Variants in ABHD2 observed in about 807,000 individuals in gnomAD.
ABHD2 encodes the protein monoacylglycerol lipase ABHD2.
In ABHD2, 20 loss-of-function variants were observed where a neutral mutation model predicts 48.1. The ratio of observed to expected loss-of-function variants is 0.42; its 90% CI spans 0.29 to 0.60. ABHD2 has a LOEUF of 0.60. Ranked by LOEUF, ABHD2 falls within the 20% of genes least tolerant of loss-of-function variation. ABHD2 has a pLI of 0.24. For synonymous variants in ABHD2, 209 were observed against 214.2 expected, an observed-to-expected ratio of 0.98 and a Z score of 0.21; for missense variants, 405 against 550.9, an observed-to-expected ratio of 0.74 and a Z score of 2.65.
chr15:89,181,210 C>G (rs2051105653), intron 6 of ABHD2, among the ~76,000 whole-genome samples: 1 of 103,456 alleles, frequency 9.7e-6, no homozygotes, highest in South Asian at 3.4e-4. Flanking sequence ...GCCTGGGGGA[C>G]AGAGCGAGAC....
chr15:89,098,020 A>G (rs1223392083), intron 1 of ABHD2, among the ~76,000 whole-genome samples: 2 of 151,998 alleles, frequency 1.3e-5, no homozygotes, highest in Non-Finnish European at 2.9e-5. Flanking sequence ...CCTTCCCAGT[A>G]GTTAGGACTA....
At chr15:89,063,397 G>A in the ABHD2 span, among the ~76,000 whole-genome samples, 2 of 151,954 alleles carry the variant, frequency 1.3e-5, no homozygotes, top group Non-Finnish European at 2.9e-5. Flanking sequence ...GAAGTATAAG[G>A]AAGTAAATAA....
At position 89,127,720 on chromosome 15, in the gene ABHD2, C is replaced by CAT. The variant is rs1567080056; in HGVS notation, c.194+11200_194+11201insTA. Among the ~76,000 whole-genome samples, 562 of 69,730 alleles carry CAT rather than the reference C, an allele frequency of 8.1e-3. 4 individuals are homozygous for CAT. The highest frequency in any genetic ancestry group is 0.013 in the Non-Finnish European group (395 of 30,582). The allele number at this position is 69,730 out of a possible 152,430, so 45.7% of individuals were successfully genotyped here. A position where few individuals can be genotyped will look rare whatever the true frequency, so the allele number is the denominator to read the frequency against. ...ATATATATATACATATATATATATACACATATATATATATATATATGTATA... is the reference window on the plus strand; with the variant it reads ...ATATATATATACATATATATATATACATACATATATATATATATATATGTATA... On this transcript the variant is annotated intron_variant, in intron 3 of 10. Transcript: ENST00000352732.
the ABHD2 span, among the ~76,000 whole-genome samples, chr15:89,071,444 G>C: frequency 2.6e-5 from 4 of 152,102 alleles, no homozygotes. Flanking sequence ...AAGACATAGG[G>C]TTTTATTTGG....
chr15:89,081,098 C>T, the ABHD2 span, among the ~76,000 whole-genome samples: 1 of 150,208 alleles, frequency 6.7e-6, no homozygotes, highest in Non-Finnish European at 1.5e-5. Context: ...CTCCTGGGCT[C>T]AAATGATCCT....
chr15:89,116,725 C>T lies in ABHD2; in HGVS notation c.194+204C>T, dbSNP rs886990626. On this transcript the variant is annotated intron_variant, in intron 3 of 10. Coordinates refer to ENST00000352732, the MANE Select transcript of ABHD2 (RefSeq NM_152924.5). This position sits in a 1 kb window ranked among gnomAD's most constrained non-coding sequence, Gnocchi z 4.6. ...AGAATCAGATCTCTGTTGCCTGAAACATTCCTTCCTCTACAGTGTGATGTC... is the reference window on the plus strand; with the variant it reads ...AGAATCAGATCTCTGTTGCCTGAAATATTCCTTCCTCTACAGTGTGATGTC... Among the ~76,000 whole-genome samples the T allele has an allele frequency of 2.0e-5, 3 of 152,200 alleles. No homozygotes were observed. Among genetic ancestry groups the T allele is most frequent in the Non-Finnish European group, 4.4e-5 (3 of 68,032 alleles).
intron 2 of ABHD2, among the ~76,000 whole-genome samples, chr15:89,115,370 ATGTGTGTG>A (rs1164718189): frequency 0.03 from 2,988 of 100,180 alleles, 45 homozygotes; most frequent in African/African-American, 0.046. Context: ...GTTTGGAGGT[ATGTGTGTG>A]TGTGTGTGTG....
At chr15:89,084,271 A>G (rs1901321117), upstream of ABHD2, among the ~76,000 whole-genome samples, 1 of 151,172 alleles carries the variant, frequency 6.6e-6, no homozygotes, top group African/African-American at 2.4e-5. This position sits in a 1 kb window ranked among gnomAD's most constrained non-coding sequence, Gnocchi z 4.4. Flanking sequence ...AACTGTCTGT[A>G]CTTTCCACTT....
chr15:89,148,146 A>G (rs2050528620), intron 3 of ABHD2, among the ~76,000 whole-genome samples: 1 of 150,766 alleles, frequency 6.6e-6, no homozygotes, highest in South Asian at 2.1e-4. Flanking sequence ...AAAAAACTAC[A>G]TAAAATAAAG....
chr15:89,106,522 G>A lies in ABHD2; in HGVS notation c.-106-7203G>A, dbSNP rs1278419562. 6.6e-6 allele frequency: 1 copy of A among 152,208 alleles called. No homozygotes were observed. Among genetic ancestry groups the A allele is most frequent in the Non-Finnish European group, 1.5e-5 (1 of 68,110 alleles). The allele number at this position is 152,208 out of a possible 1,614,324, so 9.4% of individuals were successfully genotyped here. A position where few individuals can be genotyped will look rare whatever the true frequency, so the allele number is the denominator to read the frequency against. On this transcript the variant is annotated intron_variant, in intron 1 of 10. Transcript: ENST00000352732. This position sits in a 1 kb window ranked among gnomAD's most constrained non-coding sequence, Gnocchi z 4.2. ...CCGAAGCCTCCTGGCTATGTTCTGA[G>A]GCTCTCCCATCCCATGGCAGTGAAA...
chr15:89,191,464 T>C (rs950689288), intron 9 of ABHD2, among the ~76,000 whole-genome samples: 3 of 152,164 alleles, frequency 2.0e-5, no homozygotes, highest in African/African-American at 7.2e-5. Flanking sequence ...ATCAGTGAGA[T>C]CTGTCTAGAT....
chr15:89,167,059 T>TTACCTAAGTACCTAAGTACCTAGTAAAG lies in ABHD2; in HGVS notation c.539-8753_539-8752insTACCTAAGTACCTAAGTACCTAGTAAAG, dbSNP rs2050848580. On this transcript the variant is annotated intron_variant, in intron 5 of 10. Transcript: ENST00000352732. This position sits in a 1 kb window ranked among gnomAD's most constrained non-coding sequence, Gnocchi z 5.5. The stretch of plus-strand genomic sequence containing the variant: ...CAGGACCCTCTTGGAGAGACTAGGA[T>TTACCTAAGTACCTAAGTACCTAGTAAAG]GTAGGGTTACCTACCTTTAGCATGC... Among the ~76,000 whole-genome samples, 1 of 152,204 alleles carries TTACCTAAGTACCTAAGTACCTAGTAAAG rather than the reference T, an allele frequency of 6.6e-6. No individual in the cohort carries two copies. Among genetic ancestry groups the TTACCTAAGTACCTAAGTACCTAGTAAAG allele is most frequent in the South Asian group, 2.1e-4 (1 of 4,834 alleles).
At chr15:89,113,271 T>C (rs2049904298) in intron 1 of ABHD2, among the ~76,000 whole-genome samples, 1 of 152,250 alleles carries the variant, frequency 6.6e-6, no homozygotes, top group African/African-American at 2.4e-5. Flanking sequence ...ATCTGTGCCC[T>C]ATTACTTTTC....
upstream of ABHD2, chr15:89,082,802 A>T (rs1163486301): frequency 6.6e-6 from 1 of 152,216 alleles, no homozygotes; most frequent in Non-Finnish European, 1.5e-5. The surrounding 1 kb of genome is among the most constrained non-coding windows in gnomAD (Gnocchi z 4.4). Flanking sequence ...ATTAATTTAA[A>T]TATATGGTAA....
the ABHD2 span, among the ~76,000 whole-genome samples, chr15:89,071,367 G>A: frequency 6.6e-6 from 1 of 152,154 alleles, no homozygotes; most frequent in South Asian, 2.1e-4. Flanking sequence ...GTTGCAGTGA[G>A]CCAAGATTGT....
At position 89,184,643 on chromosome 15, in the gene ABHD2, G is replaced by A. The variant is rs1459031525; in HGVS notation, c.723-781G>A. 6.6e-6 allele frequency among the ~76,000 whole-genome samples: 1 copy of A among 152,224 alleles called. No individual in the cohort carries two copies. Among genetic ancestry groups the A allele is most frequent in the African/African-American group, 2.4e-5 (1 of 41,444 alleles). On this transcript the variant is annotated intron_variant, in intron 6 of 10. Transcript: ENST00000352732. This position sits in a 1 kb window ranked among gnomAD's most constrained non-coding sequence, Gnocchi z 5.1. ...ATCTGGCTGGGGAAGCACATGGCCA[G>A]GGCTGGTGGTGCTGTCTCCTCCCTC...
In ABHD2 at chr15:89,116,325, A is replaced by AT. The variant is rs781454629; in HGVS notation, c.-3_-2insT. The AT allele has an allele frequency of 7.8e-5, 126 of 1,612,760 alleles. No homozygotes were observed. The highest frequency in any genetic ancestry group is 3.3e-4 in the Middle Eastern group (2 of 6,058). ...GACCTGTGCCTCTGCTCCCCAGATC[A>AT]AGATGAATGCCATGCTGGAGACTCC... On this transcript the variant is annotated 5_prime_UTR_variant, in exon 3 of 11. Transcript: ENST00000352732. The surrounding 1 kb of genome is among the most constrained non-coding windows in gnomAD (Gnocchi z 4.6).
At chr15:89,152,341 A>C (rs913941384) in intron 4 of ABHD2, among the ~76,000 whole-genome samples, 28 of 152,240 alleles carry the variant, frequency 1.8e-4, no homozygotes, top group African/African-American at 6.5e-4. Context: ...GGCCTCCCAA[A>C]GTGCTGGGAT....
chr15:89,152,655 C>T (rs2050612466), intron 4 of ABHD2, among the ~76,000 whole-genome samples: 1 of 152,216 alleles, frequency 6.6e-6, no homozygotes, highest in Non-Finnish European at 1.5e-5. Context: ...GATTAAAAGG[C>T]TCCCAGGTTC....
Sources: gnomAD v4.1 joint callset for allele counts (sites outside exome capture counted in the v4.1 genomes callset) on GRCh38, gnomAD v4.1.1 for gene constraint, Gnocchi (gnomAD v3.1) non-coding constraint, MANE v1.5 for transcripts, NCBI Gene and HGNC (gene_info 2026-07-23, HGNC 2026-07-21) for gene names.